The following ZNF665 variants were observed in gnomAD, a reference collection of about 807,000 sequenced individuals.
The protein encoded by ZNF665 is zinc finger protein 665.
ZNF665 carries 6 observed loss-of-function variants against 7.9 expected under a neutral mutation model. That is an observed-to-expected ratio of 0.76 (90% CI 0.42 to 1.50). The LOEUF is 1.50. ZNF665 is among the 40% of genes most tolerant of loss of function. The probability of loss-of-function intolerance (pLI) is 0.01; values close to 1 mark genes in which losing one functional copy is unlikely to be tolerated. For synonymous variants in ZNF665, 242 were observed against 274.5 expected, an observed-to-expected ratio of 0.88 and a Z score of 1.17; for missense variants, 819 against 806.7, an observed-to-expected ratio of 1.02 and a Z score of -0.18.
chr19:53,166,400 C>T (rs12460233), intron 3 of ZNF665, 53 bp from the exon 4 acceptor site: 861,232 of 1,432,148 alleles, frequency 0.6, 266,249 homozygotes, highest in South Asian at 0.7. Flanking sequence ...AGGTAAATAA[C>T]TATTTCCCAT....
At chr19:53,167,594 C>A (rs1230328593) in intron 3 of ZNF665, among the ~76,000 whole-genome samples, 1 of 150,136 alleles carries the variant, frequency 6.7e-6, no homozygotes. Flanking sequence ...CTACAGGCGC[C>A]CGCCACCGCG....
rs1420071960 is a variant in ZNF665 at position 53,165,976 on chromosome 19, T to A, written c.514A>T (p.Asn172Tyr). The change falls in exon 4 of 4, where the codon AAT (asparagine) becomes TAT (tyrosine). Residue 172 changes from asparagine to tyrosine, a missense_variant. Transcript: ENST00000396424. The stretch of plus-strand genomic sequence containing the variant: ...CATTTATAATGTTTTCCTCGATTAT[T>A]AGGAGACTTCTCAACTTGATTGTAT... ...YEYNQVEKSP[N>Y]NRGKHYKCDE... 2.5e-6 allele frequency: 4 copies of A among 1,613,850 alleles called. No individual in the cohort carries two copies. The highest frequency in any genetic ancestry group is 3.4e-6 in the Non-Finnish European group (4 of 1,179,784).
chr19:53,164,268 G>T lies in ZNF665; in HGVS notation c.*185C>A, dbSNP rs1009139940. 1.1e-4 allele frequency: 51 copies of T among 463,510 alleles called. No individual in the cohort carries two copies. The highest frequency in any genetic ancestry group is 1.9e-4 in the Non-Finnish European group (50 of 266,428). The allele number at this position is 463,510 out of a possible 1,614,324, so 28.7% of individuals were successfully genotyped here. A position where few individuals can be genotyped will look rare whatever the true frequency, so the allele number is the denominator to read the frequency against. ...TTCTCCTGCCTCAGCCTCCCGAGTA[G>T]CTGGGATTACAGGCGTGCACCACCA... On this transcript the variant is annotated 3_prime_UTR_variant, in exon 4 of 4. Coordinates refer to ENST00000396424, the MANE Select transcript of ZNF665 (RefSeq NM_024733.5).
chr19:53,185,247 G>A (rs1310073974), intron 1 of ZNF665, among the ~76,000 whole-genome samples: 1 of 151,842 alleles, frequency 6.6e-6, no homozygotes, highest in Non-Finnish European at 1.5e-5. Context: ...TGCCACTTAC[G>A]CTACCGCTAG....
At chr19:53,166,591 T>C (rs1212359465) in intron 3 of ZNF665, among the ~76,000 whole-genome samples, 2 of 152,238 alleles carry the variant, frequency 1.3e-5, no homozygotes, top group African/African-American at 4.8e-5. Flanking sequence ...AACACTCATA[T>C]TGTGCAAACC....
chr19:53,179,465 T>C (rs1179215044), intron 2 of ZNF665: 1 of 150,982 alleles, frequency 6.6e-6, no homozygotes, highest in African/African-American at 2.4e-5. Flanking sequence ...TTTTTTTTTT[T>C]GAGATGGAGT....
rs1220100331 is a variant in ZNF665 at position 53,164,479 on chromosome 19, T to C, written c.2011A>G (p.Lys671Glu). ...TATCCACTATGAATTCTTCGATGTT[T>C]TGCAAGGTTTGAATTTTGAGTAAAG... ...KVFTQNSNLA[K>E]HRRIHSG is the part of the protein sequence containing the mutation. Residue 671 changes from lysine to glutamate, a missense_variant, in exon 4 of 4, where the codon AAA becomes GAA. By Grantham distance (56) the Lys-to-Glu change is moderately conservative. Transcript: ENST00000396424. 2 of 1,599,638 alleles carry C rather than the reference T, an allele frequency of 1.3e-6. No homozygotes were observed. Among genetic ancestry groups the C allele is most frequent in the Admixed American group, 3.5e-5 (2 of 57,524 alleles).
intron 3 of ZNF665, among the ~76,000 whole-genome samples, 190 bp from the exon 4 acceptor site, chr19:53,166,537 A>G (rs2090617315): frequency 6.6e-6 from 1 of 152,206 alleles, no homozygotes; most frequent in South Asian, 2.1e-4. Context: ...GTAACATGTA[A>G]TTCAAATAGT....
In ZNF665 at chr19:53,166,991, A is replaced by ATTTCTTTC. The variant is rs146474857; in HGVS notation, c.143-652_143-645dup. On this transcript the variant is annotated intron_variant, in intron 3 of 3. Coordinates refer to ENST00000396424, the MANE Select transcript of ZNF665 (RefSeq NM_024733.5). ...TTAACAAGTGGTATATAACAGTTAT[A>ATTTCTTTC]TTTCTTTCTTTCTTTCTTTCTTTTT... Among the ~76,000 whole-genome samples, 101 of 150,788 alleles carry ATTTCTTTC rather than the reference A, an allele frequency of 6.7e-4. 1 individual carries two copies. The highest frequency in any genetic ancestry group is 2.1e-3 in the South Asian group (10 of 4,752).
At chr19:53,182,632 C>A (rs1185541266) in intron 2 of ZNF665, 1 of 818,648 alleles carries the variant, frequency 1.2e-6, no homozygotes, top group Non-Finnish European at 2.0e-6. Context: ...GGGACCCTCA[C>A]CCCGTCTCCA....
chr19:53,167,805 C>T (rs559510535), intron 3 of ZNF665, among the ~76,000 whole-genome samples: 12 of 147,876 alleles, frequency 8.1e-5, no homozygotes, highest in Admixed American at 4.7e-4. Context: ...GCCTGTAATC[C>T]CAGCACTTTG....
At chr19:53,174,716 A>C (rs150685128) in intron 3 of ZNF665, among the ~76,000 whole-genome samples, 285 of 152,306 alleles carry the variant, frequency 1.9e-3, no homozygotes, top group Non-Finnish European at 3.3e-3. Flanking sequence ...AGTTGGGCAG[A>C]TCACCTGAGG....
At chr19:53,190,428 G>C (rs1320784274) in intron 1 of ZNF665, 1 of 152,206 alleles carries the variant, frequency 6.6e-6, no homozygotes, top group South Asian at 2.1e-4. Flanking sequence ...ACAATGACCA[G>C]TTCTGCAGTG....
intron 3 of ZNF665, 25 bp downstream of exon 3, chr19:53,175,420 A>G: frequency 6.2e-7 from 1 of 1,601,044 alleles, no homozygotes; most frequent in African/African-American, 1.3e-5. Flanking sequence ...ACAGACCCTG[A>G]CTTCTAAAAG....
At chr19:53,182,365 T>G in intron 2 of ZNF665, 2 of 313,814 alleles carry the variant, frequency 6.4e-6, no homozygotes, top group Admixed American at 9.0e-5. Flanking sequence ...AGCGAGACTC[T>G]GTCTCAACAA....
intron 2 of ZNF665, among the ~76,000 whole-genome samples, chr19:53,179,364 C>A (rs113245491): frequency 1.9e-5 from 2 of 106,586 alleles, no homozygotes; most frequent in Admixed American, 2.8e-4. Context: ...TGACACAGAG[C>A]GAGATTCCGT....
In ZNF665 at chr19:53,175,528, T is replaced by C; in HGVS notation, c.59A>G (p.Glu20Gly). 1 of 1,610,868 alleles carries C rather than the reference T, an allele frequency of 6.2e-7. No individual in the cohort carries two copies. The highest frequency in any genetic ancestry group is 8.5e-7 in the Non-Finnish European group (1 of 1,179,116). Residue 20 changes from glutamate to glycine, a missense_variant, in exon 3 of 4, where the codon GAG (glutamate) becomes GGG (glycine). Physicochemically the swap from Glu to Gly is moderately conservative, Grantham distance 98. Transcript: ENST00000396424. ...FKDVAIEFSQ[E>G]EWTCLDPAQK... ...AGCAGGGTCCAGGCATGTCCACTCC[T>C]CCTGAGAGAATTCTATGGCCACATC...
chr19:53,192,479 C>G lies in ZNF665; in HGVS notation c.-46+833G>C, dbSNP rs139719256. Among the ~76,000 whole-genome samples, 47 of 152,310 alleles carry G rather than the reference C, an allele frequency of 3.1e-4. No homozygotes were observed. The East Asian group carries it at 9.1e-3, about 29-fold the overall frequency. On this transcript the variant is annotated intron_variant, in intron 1 of 3. Coordinates refer to ENST00000396424, the MANE Select transcript of ZNF665 (RefSeq NM_024733.5). The stretch of plus-strand genomic sequence containing the variant: ...ATCTCTCTAGACAGCGAGCTTTTCT[C>G]TACATTTCTCCAGTTGTTTCTCCAT...
At chr19:53,182,633 C>T in intron 2 of ZNF665, 1 of 821,212 alleles carries the variant, frequency 1.2e-6, no homozygotes, top group East Asian at 2.6e-5. Flanking sequence ...GGACCCTCAC[C>T]CCGTCTCCAT....
Sources: gnomAD v4.1 joint callset for allele counts (sites outside exome capture counted in the v4.1 genomes callset) on GRCh38, gnomAD v4.1.1 for gene constraint, MANE v1.5 for transcripts, NCBI Gene and HGNC (gene_info 2026-07-23, HGNC 2026-07-21) for gene names.